KMT2E: variants seen among roughly 807,000 people sequenced by gnomAD.
KMT2E encodes lysine methyltransferase 2E (inactive).
Under a neutral mutation model 184.6 loss-of-function variants are expected in KMT2E, and 30 were observed. The ratio of observed to expected loss-of-function variants is 0.16; its 90% CI spans 0.12 to 0.22. KMT2E has a LOEUF of 0.22. Among genes scored for constraint, KMT2E ranks in the 10% least tolerant of loss-of-function variants. The pLI is 1.00. For synonymous variants in KMT2E, 815 were observed against 776.5 expected (o/e 1.05, Z -0.82); for missense variants, 2,023 against 2,237.4 (o/e 0.90, Z 1.93).
intron 3 of KMT2E, among the ~76,000 whole-genome samples, chr7:105,059,693 A>G (rs1796712480): frequency 6.6e-6 from 1 of 152,206 alleles, no homozygotes; most frequent in South Asian, 2.1e-4. Flanking sequence ...AAAGATGGAA[A>G]AAGTAAATCA....
chr7:105,095,992 C>T (rs567398493), intron 15 of KMT2E, among the ~76,000 whole-genome samples: 98 of 152,250 alleles, frequency 6.4e-4, no homozygotes, highest in African/African-American at 1.9e-3. Flanking sequence ...TGGTGGCTCA[C>T]GCCTGCAACC....
At position 105,040,733 on chromosome 7, in the gene KMT2E, A is replaced by T. The variant is rs528141920; in HGVS notation, c.-114-106A>T. On this transcript the variant is annotated intron_variant, in intron 2 of 26. Coordinates refer to ENST00000311117, the MANE Select transcript of KMT2E (RefSeq NM_182931.3). Reference sequence around the variant, plus strand: ...AAATTAATGAGAGAGACTCTAAGCAAATTTCAATTTATATTGAGATTTTAA... The same window carrying T: ...AAATTAATGAGAGAGACTCTAAGCATATTTCAATTTATATTGAGATTTTAA... 5.6e-5 allele frequency: 20 copies of T among 354,086 alleles called. No homozygotes were observed. In the South Asian group the frequency reaches 2.7e-3, roughly 47 times the overall value. The allele number at this position is 354,086 out of a possible 1,614,324, so 21.9% of individuals were successfully genotyped here.
At chr7:105,033,945 A>C (rs1210387682) in intron 1 of KMT2E, among the ~76,000 whole-genome samples, 2 of 152,122 alleles carry the variant, frequency 1.3e-5, no homozygotes, top group African/African-American at 4.8e-5. Flanking sequence ...TTAACAACCC[A>C]CTATCTCAGG....
At chr7:105,073,462 A>G (rs1043361000) in intron 6 of KMT2E, among the ~76,000 whole-genome samples, 157 bp from the exon 7 acceptor site, 8 of 151,646 alleles carry the variant, frequency 5.3e-5, no homozygotes, top group African/African-American at 1.5e-4. Flanking sequence ...TACTGCTACT[A>G]TTAGATTGTA....
At chr7:105,085,800 C>G (rs995465136) in intron 13 of KMT2E, among the ~76,000 whole-genome samples, 2 of 151,886 alleles carry the variant, frequency 1.3e-5, no homozygotes, top group Non-Finnish European at 2.9e-5. Context: ...TCTCCCGCCT[C>G]GGAGAGTATA....
At chr7:105,047,421 T>C (rs958935285) in intron 3 of KMT2E, among the ~76,000 whole-genome samples, 2 of 152,256 alleles carry the variant, frequency 1.3e-5, no homozygotes, top group Non-Finnish European at 2.9e-5. Context: ...CTGGTAACTC[T>C]TGTCTGCACA....
At chr7:105,017,412 G>A (rs1488678243) in intron 1 of KMT2E, among the ~76,000 whole-genome samples, 1 of 149,234 alleles carries the variant, frequency 6.7e-6, no homozygotes, top group African/African-American at 2.4e-5. Context: ...TGGTGGTGGT[G>A]GGTGGTTTTT....
chr7:105,075,820 G>C (rs1797502683), intron 8 of KMT2E, among the ~76,000 whole-genome samples: 1 of 151,972 alleles, frequency 6.6e-6, no homozygotes, highest in Non-Finnish European at 1.5e-5. Context: ...CTGAGTAGCT[G>C]GGACGACAGG....
chr7:105,066,619 C>G, intron 5 of KMT2E, 108 bp from the exon 6 acceptor site: 1 of 819,266 alleles, frequency 1.2e-6, no homozygotes, highest in Middle Eastern at 3.6e-4. Flanking sequence ...TTTAGGAGTA[C>G]TAAGCTCAAA....
chr7:105,108,767 A>G (rs1799025608), intron 22 of KMT2E, 175 bp from the exon 23 acceptor site: 1 of 601,278 alleles, frequency 1.7e-6, no homozygotes. Flanking sequence ...TCATCTAAGT[A>G]CAATGCCTGG....
intron 6 of KMT2E, among the ~76,000 whole-genome samples, chr7:105,068,583 G>T (rs1797142795): frequency 1.4e-5 from 2 of 148,006 alleles, no homozygotes; most frequent in South Asian, 2.1e-4. Context: ...TTGCCAAGTA[G>T]CTGGGACTAC....
chr7:105,016,223 T>A (rs960418063), intron 1 of KMT2E, among the ~76,000 whole-genome samples: 2 of 152,256 alleles, frequency 1.3e-5, no homozygotes, highest in Non-Finnish European at 2.9e-5. Flanking sequence ...AACCTGTTAC[T>A]TCATTGGGTG....
chr7:105,106,274 G>C (rs1279144560), intron 19 of KMT2E, among the ~76,000 whole-genome samples: 1 of 152,144 alleles, frequency 6.6e-6, no homozygotes, highest in African/African-American at 2.4e-5. Flanking sequence ...AGTAACATCG[G>C]TACTTGTAAG....
intron 15 of KMT2E, among the ~76,000 whole-genome samples, chr7:105,092,102 C>G (rs912497161): frequency 6.6e-6 from 1 of 152,116 alleles, no homozygotes; most frequent in Admixed American, 6.6e-5. Context: ...TCTCACGTCA[C>G]ATATTTAAGG....
chr7:105,078,250 C>G (rs1471560160), intron 11 of KMT2E, among the ~76,000 whole-genome samples: 3 of 152,256 alleles, frequency 2.0e-5, no homozygotes, highest in East Asian at 1.9e-4. Context: ...AGTAGTCACT[C>G]TCTTTTTATC....
chr7:105,033,625 C>T (rs925688884), intron 1 of KMT2E, among the ~76,000 whole-genome samples: 2 of 152,030 alleles, frequency 1.3e-5, no homozygotes, highest in Non-Finnish European at 2.9e-5. Flanking sequence ...CAGCCTCCTG[C>T]GTAGCTGGGA....
intron 15 of KMT2E, among the ~76,000 whole-genome samples, chr7:105,092,096 A>T (rs1798227761): frequency 6.6e-6 from 1 of 152,000 alleles, no homozygotes; most frequent in South Asian, 2.1e-4. Context: ...ATGGACTCTC[A>T]CGTCACATAT....
At chr7:105,046,894 C>T (rs2129565785) in intron 3 of KMT2E, among the ~76,000 whole-genome samples, 1 of 152,220 alleles carries the variant, frequency 6.6e-6, no homozygotes. Context: ...CAAATGTGAT[C>T]CCAAGACCGT....
chr7:105,063,300 T>C (rs750459199), intron 4 of KMT2E, 51 bp from the exon 5 acceptor site: 4 of 1,308,066 alleles, frequency 3.1e-6, no homozygotes, highest in Non-Finnish European at 2.1e-6. Flanking sequence ...TTGGTTTATA[T>C]CATTGTTGAA....
Sources: gnomAD v4.1 joint callset for allele counts (sites outside exome capture counted in the v4.1 genomes callset) on GRCh38, gnomAD v4.1.1 for gene constraint, MANE v1.5 for transcripts, NCBI Gene and HGNC (gene_info 2026-07-23, HGNC 2026-07-21) for gene names.